ERBB4: variants seen among roughly 807,000 people sequenced by gnomAD.
ERBB4 encodes receptor tyrosine-protein kinase erbB-4.
ERBB4 carries 42 observed loss-of-function variants against 158.0 expected under a neutral mutation model. The ratio of observed to expected loss-of-function variants is 0.27; its 90% confidence interval spans 0.21 to 0.34. The LOEUF is 0.34. Among genes scored for constraint, ERBB4 ranks in the 10% least tolerant of loss-of-function variants. ERBB4 has a pLI of 1.00. For synonymous variants in ERBB4, 583 were observed against 558.7 expected (o/e 1.04, Z -0.61); for missense variants, 1,333 against 1,624.1 (o/e 0.82, Z 3.08).
intron 2 of ERBB4, among the ~76,000 whole-genome samples, chr2:212,027,256 A>G (rs1379298707): frequency 1.3e-5 from 2 of 152,074 alleles, no homozygotes; most frequent in Admixed American, 6.6e-5. Context: ...AAATTTAACC[A>G]TGGAAAATAT....
chr2:212,073,343 A>G (rs2078181095), intron 2 of ERBB4, among the ~76,000 whole-genome samples: 1 of 151,978 alleles, frequency 6.6e-6, no homozygotes, highest in African/African-American at 2.4e-5. Flanking sequence ...TTACTATACA[A>G]GGAAGACATA....
At chr2:211,812,947 G>A (rs954784680) in intron 3 of ERBB4, among the ~76,000 whole-genome samples, 5 of 152,212 alleles carry the variant, frequency 3.3e-5, no homozygotes, top group African/African-American at 4.8e-5. Flanking sequence ...GGTACTGTCT[G>A]TCATGGCTTC....
chr2:212,030,517 A>G (rs1286681276), intron 2 of ERBB4, among the ~76,000 whole-genome samples: 1 of 152,164 alleles, frequency 6.6e-6, no homozygotes, highest in Non-Finnish European at 1.5e-5. Flanking sequence ...GCCTGAATCA[A>G]AGATTCAAGC....
At chr2:211,609,869 C>T (rs2069126839) in intron 19 of ERBB4, among the ~76,000 whole-genome samples, 2 of 152,126 alleles carry the variant, frequency 1.3e-5, no homozygotes, top group Non-Finnish European at 1.5e-5. Flanking sequence ...ACCTATTGTC[C>T]ATTTCTTTAG....
intron 1 of ERBB4, among the ~76,000 whole-genome samples, chr2:212,365,836 C>G (rs2089868953): frequency 2.0e-5 from 3 of 151,818 alleles, no homozygotes; most frequent in African/African-American, 7.2e-5. Flanking sequence ...ACTGTAAGTA[C>G]ATACTGAGGA....
At chr2:211,661,220 C>G (rs1028665792) in intron 15 of ERBB4, among the ~76,000 whole-genome samples, 2 of 152,130 alleles carry the variant, frequency 1.3e-5, no homozygotes, top group Non-Finnish European at 2.9e-5. Context: ...TAAATACAAG[C>G]CGCTGAAAAC....
chr2:212,137,029 T>G lies in ERBB4; in HGVS notation c.83-12126A>C, dbSNP rs191128925. Among the ~76,000 whole-genome samples, 1,349 of 152,166 alleles carry G rather than the reference T, an allele frequency of 8.9e-3. 16 individuals are homozygous for G. The highest frequency in any genetic ancestry group is 0.031 in the African/African-American group (1,275 of 41,534). ...TATTATTATAATTTATTTTAAATTG[T>G]TTTCCTGTGCCCAAACTCTATTATT... On this transcript the variant is annotated intron_variant, in intron 1 of 27. Coordinates refer to ENST00000342788, the MANE Select transcript of ERBB4 (RefSeq NM_005235.3).
chr2:212,147,186 T>TTTC (rs2080709099), intron 1 of ERBB4, among the ~76,000 whole-genome samples: 1 of 138,574 alleles, frequency 7.2e-6, no homozygotes, highest in Non-Finnish European at 1.5e-5. Context: ...TTTTTTTTTT[T>TTTC]GTAGAGATGG....
chr2:211,771,195 C>A (rs905009055), intron 4 of ERBB4, among the ~76,000 whole-genome samples: 4 of 152,206 alleles, frequency 2.6e-5, no homozygotes, highest in Admixed American at 6.5e-5. Flanking sequence ...CAGATACATA[C>A]CCACGATTGG....
At chr2:211,593,005 T>C (rs1574824568) in intron 19 of ERBB4, among the ~76,000 whole-genome samples, 1 of 85,796 alleles carries the variant, frequency 1.2e-5, no homozygotes, top group African/African-American at 3.4e-5. Context: ...AGAGTGAGAC[T>C]CCATCTCAAA....
intron 1 of ERBB4, among the ~76,000 whole-genome samples, chr2:212,518,138 A>G (rs1436765427): frequency 6.6e-6 from 1 of 152,082 alleles, no homozygotes; most frequent in East Asian, 1.9e-4. Context: ...AGATCTATTT[A>G]ATTTGACCAT....
intron 5 of ERBB4, among the ~76,000 whole-genome samples, chr2:211,750,316 A>C (rs1489161855): frequency 1.3e-5 from 2 of 152,308 alleles, no homozygotes; most frequent in East Asian, 3.9e-4. Flanking sequence ...GACCCAGTTA[A>C]CCTGAAATTG....
At chr2:212,336,924 C>A (rs1167032876) in intron 1 of ERBB4, among the ~76,000 whole-genome samples, 1 of 152,032 alleles carries the variant, frequency 6.6e-6, no homozygotes, top group Non-Finnish European at 1.5e-5. Flanking sequence ...GTAGGTCCTG[C>A]AATACTGCAC....
chr2:211,873,813 CATAGGTTTCTGGAAGTAAA>C (rs2078421186), intron 3 of ERBB4, among the ~76,000 whole-genome samples: 1 of 150,012 alleles, frequency 6.7e-6, no homozygotes, highest in Non-Finnish European at 1.5e-5. Context: ...TCTTCTGTGG[CATAGGTTTCTGGAAGTAAA>C]ATAATTGTGT....
At chr2:211,773,614 A>AT (rs1161147763) in intron 4 of ERBB4, among the ~76,000 whole-genome samples, 3 of 42,626 alleles carry the variant, frequency 7.0e-5, no homozygotes, top group East Asian at 7.7e-4. Flanking sequence ...ATATATATAT[A>AT]TATATATATA....
intron 1 of ERBB4, among the ~76,000 whole-genome samples, chr2:212,184,710 A>G (rs17416799): frequency 0.44 from 66,419 of 151,990 alleles, 16,849 homozygotes; most frequent in East Asian, 0.76. Flanking sequence ...AATTTTAGGT[A>G]GATTTGGAAA....
chr2:212,058,214 C>A (rs1269138901), intron 2 of ERBB4, among the ~76,000 whole-genome samples: 3 of 152,184 alleles, frequency 2.0e-5, no homozygotes, highest in Admixed American at 6.5e-5. Flanking sequence ...TTCCTGGACA[C>A]ATACACCCTC....
intron 5 of ERBB4, 78 bp downstream of exon 5, chr2:211,750,561 C>T (rs2106208976): frequency 8.1e-7 from 1 of 1,237,766 alleles, no homozygotes; most frequent in Admixed American, 1.7e-5. Context: ...TTTTAGATGA[C>T]CAGAGGCATG....
chr2:211,883,760 C>T (rs2078724581), intron 3 of ERBB4, among the ~76,000 whole-genome samples: 1 of 151,682 alleles, frequency 6.6e-6, no homozygotes, highest in Non-Finnish European at 1.5e-5. Flanking sequence ...CCACTGCACT[C>T]CAGCCTGGGC....
Sources: gnomAD v4.1 joint callset for allele counts (sites outside exome capture counted in the v4.1 genomes callset) on GRCh38, gnomAD v4.1.1 for gene constraint, MANE v1.5 for transcripts, NCBI Gene and HGNC (gene_info 2026-07-23, HGNC 2026-07-21) for gene names.